Variants in UBXN11 observed in about 807,000 individuals in gnomAD.
UBXN11 encodes UBX domain protein 11.
In UBXN11, 47 loss-of-function variants were observed where a neutral mutation model predicts 62.8. The ratio of observed to expected loss-of-function variants is 0.75; its 90% CI spans 0.59 to 0.95. The LOEUF (loss-of-function observed/expected upper bound fraction) is 0.95, where lower values mean the gene tolerates loss of function less well. Ranked by LOEUF, UBXN11 falls within the 40% of genes least tolerant of loss-of-function variation. The pLI, the probability that UBXN11 is intolerant of heterozygous loss-of-function variation, is 0.00. For missense variants in UBXN11, 638 were observed against 661.7 expected (o/e 0.96, Z 0.39); for synonymous variants, 294 against 267.0 (o/e 1.10, Z -0.99).
intron 8 of UBXN11, among the ~76,000 whole-genome samples, chr1:26,289,667 A>C (rs1302977216): frequency 6.6e-6 from 1 of 152,126 alleles, no homozygotes; most frequent in Non-Finnish European, 1.5e-5. Context: ...CAAGTGAAGA[A>C]GACGGGGCGG....
intron 1 of UBXN11, among the ~76,000 whole-genome samples, chr1:26,316,595 A>C (rs74782531): frequency 1.3e-5 from 2 of 152,276 alleles, no homozygotes; most frequent in Non-Finnish European, 2.9e-5. Context: ...TTCAAGGTCA[A>C]ATGAGACTGG....
upstream of UBXN11, among the ~76,000 whole-genome samples, chr1:26,309,718 C>A (rs1300445128): frequency 6.6e-6 from 1 of 152,112 alleles, no homozygotes; most frequent in Admixed American, 6.6e-5. Flanking sequence ...CGTTTAATAG[C>A]TGGCTGTTCC....
chr1:26,287,700 T>C (rs1023145373), intron 8 of UBXN11, among the ~76,000 whole-genome samples: 51 of 152,094 alleles, frequency 3.4e-4, no homozygotes, highest in Non-Finnish European at 3.7e-4. Flanking sequence ...CCTTCTCCTC[T>C]CCCCTATATT....
At chr1:26,308,996 G>A (rs1174813432), upstream of UBXN11, among the ~76,000 whole-genome samples, 2 of 130,004 alleles carry the variant, frequency 1.5e-5, no homozygotes, top group Non-Finnish European at 1.6e-5. Flanking sequence ...GCAGTGGCAC[G>A]ATCGTGGCTC....
intron 1 of UBXN11, among the ~76,000 whole-genome samples, chr1:26,317,222 T>C (rs1458555374): frequency 1.3e-5 from 2 of 151,440 alleles, no homozygotes; most frequent in Non-Finnish European, 2.9e-5. Context: ...CAAAACTCTG[T>C]TTAAAAAAAA....
At chr1:26,285,118 C>T in intron 10 of UBXN11, 1 of 1,076,424 alleles carries the variant, frequency 9.3e-7, no homozygotes, top group Non-Finnish European at 1.1e-6. Flanking sequence ...CACTGCCTCC[C>T]ACCCTACCCA....
intron 8 of UBXN11, among the ~76,000 whole-genome samples, chr1:26,292,062 G>A (rs1054286489): frequency 5.9e-5 from 9 of 152,186 alleles, no homozygotes; most frequent in Non-Finnish European, 8.8e-5. Context: ...CCACCCTCAA[G>A]CTGGGCATCA....
intron 10 of UBXN11, 111 bp from the exon 11 acceptor site, chr1:26,284,593 C>A: frequency 7.0e-7 from 1 of 1,424,330 alleles, no homozygotes; most frequent in Non-Finnish European, 9.2e-7. Flanking sequence ...TAATGCAACC[C>A]CCATTTTACA....
In UBXN11 at chr1:26,282,761, G is replaced by A. The variant is rs1335073038; in HGVS notation, c.1180C>T (p.Pro394Ser). The A allele has an allele frequency of 1.2e-5, 19 of 1,614,172 alleles. No homozygotes were observed. Among genetic ancestry groups the A allele is most frequent in the Non-Finnish European group, 1.5e-5 (18 of 1,180,034 alleles). The change falls in exon 14 of 15, where the codon CCC (proline) becomes TCC (serine). Residue 394 changes from proline to serine, a missense_variant. Pro to Ser is a moderately conservative substitution (Grantham distance 74). Transcript: ENST00000374222. ...TTGATGCGCAGCATGGAGAGCGGGGGTGCCGGCGTGTTGGGTGACTCCTGG... is the reference window on the plus strand; with the variant it reads ...TTGATGCGCAGCATGGAGAGCGGGGATGCCGGCGTGTTGGGTGACTCCTGG... ...RSQESPNTPA[P>S]PLSMLRIKSE...
intron 3 of UBXN11, 144 bp downstream of exon 3, chr1:26,301,550 A>G: frequency 1.7e-6 from 2 of 1,171,390 alleles, no homozygotes; most frequent in South Asian, 1.5e-5. Flanking sequence ...CAGGGAGGAC[A>G]GCATGGGAGC....
intron 8 of UBXN11, among the ~76,000 whole-genome samples, chr1:26,291,704 A>G (rs2073270803): frequency 6.6e-6 from 1 of 152,160 alleles, no homozygotes; most frequent in Non-Finnish European, 1.5e-5. Context: ...TAGATCCAGG[A>G]TAGACATTCT....
intron 5 of UBXN11, among the ~76,000 whole-genome samples, chr1:26,297,700 G>A (rs2073427483): frequency 6.6e-6 from 1 of 152,196 alleles, no homozygotes; most frequent in East Asian, 1.9e-4. Context: ...ATCTGAGGGT[G>A]CCGCGCTCTG....
intron 8 of UBXN11, among the ~76,000 whole-genome samples, chr1:26,293,022 C>G (rs577664925): frequency 3.5e-4 from 53 of 152,222 alleles, no homozygotes; most frequent in African/African-American, 1.3e-3. Context: ...TAGCAGGAAA[C>G]CAAGAAGGTG....
chr1:26,302,362 TAAAAAAA>T (rs56003085), intron 2 of UBXN11, among the ~76,000 whole-genome samples: 6 of 69,560 alleles, frequency 8.6e-5, no homozygotes, highest in Admixed American at 2.2e-4. Flanking sequence ...ACTTGGTCTT[TAAAAAAA>T]AAAAAAAAAA....
chr1:26,309,988 T>C (rs1329160821), upstream of UBXN11, among the ~76,000 whole-genome samples: 1 of 152,242 alleles, frequency 6.6e-6, no homozygotes, highest in African/African-American at 2.4e-5. Flanking sequence ...AGACAGACTC[T>C]GTCTATGTTG....
intron 5 of UBXN11, 115 bp downstream of exon 5, chr1:26,297,847 G>C: frequency 8.5e-7 from 1 of 1,181,630 alleles, no homozygotes; most frequent in East Asian, 2.6e-5. Flanking sequence ...AACTGGGCAG[G>C]TCAGTGTGGT....
At chr1:26,302,947 G>A in intron 1 of UBXN11, 29 bp from the exon 2 acceptor site, 2 of 1,539,584 alleles carry the variant, frequency 1.3e-6, no homozygotes, top group Non-Finnish European at 1.8e-6. Flanking sequence ...TCAGCCCCTG[G>A]GGACAGACTC....
At position 26,284,235 on chromosome 1, in the gene UBXN11, C is replaced by T; in HGVS notation, c.984G>A (p.Met328Ile). Residue 328 changes from methionine to isoleucine, a missense_variant, in exon 12 of 15, where the codon ATG (methionine) becomes ATA (isoleucine). Coordinates refer to ENST00000374222, the MANE Select transcript of UBXN11 (RefSeq NM_001389556.1). Reference sequence around the variant, plus strand: ...GCCTGTTCAGAAATTTCTCAGCAGTCATCCTGGAGCCTACAGGCAGAGTTG... The same window carrying T: ...GCCTGTTCAGAAATTTCTCAGCAGTTATCCTGGAGCCTACAGGCAGAGTTG... Reference protein sequence around the residue: ...DRVEEHPGSRMTAEKFLNRLP... With the variant: ...DRVEEHPGSRITAEKFLNRLP... 1 of 1,611,756 alleles carries T rather than the reference C, an allele frequency of 6.2e-7. No individual in the cohort carries two copies.
rs1263989706 is a variant in UBXN11, at chr1:26,282,879, G to T, written c.1136C>A (p.Ala379Asp). The change falls in exon 13 of 15, where the codon GCC (alanine) becomes GAC (aspartate). Residue 379 changes from alanine to aspartate, a missense_variant. Coordinates refer to ENST00000374222, the MANE Select transcript of UBXN11 (RefSeq NM_001389556.1). ...CCGCCCTCACCTCTCTCGCTCAGCG[G>T]CCAAGGTGGGCGTCTCCACCACAAT... is the stretch of plus-strand genomic sequence containing the variant. The part of the protein sequence containing the change: ...QEIVVETPTL[A>D]AERERSQESP... 6.2e-7 allele frequency: 1 copy of T among 1,614,170 alleles called. No homozygotes were observed. Among genetic ancestry groups the T allele is most frequent in the Non-Finnish European group, 8.5e-7 (1 of 1,180,034 alleles).
Sources: gnomAD v4.1 joint callset for allele counts (sites outside exome capture counted in the v4.1 genomes callset) on GRCh38, gnomAD v4.1.1 for gene constraint, MANE v1.5 for transcripts, NCBI Gene and HGNC (gene_info 2026-07-23, HGNC 2026-07-21) for gene names.